Variants in EPAS1 observed in about 807,000 individuals in gnomAD.
EPAS1 encodes endothelial PAS domain protein 1, also known as endothelial PAS domain-containing protein 1.
In EPAS1, 23 loss-of-function variants were observed where a neutral mutation model predicts 87.9. The ratio of observed to expected loss-of-function variants is 0.26; its 90% CI spans 0.19 to 0.37. EPAS1 has a LOEUF of 0.37. Among genes scored for constraint, EPAS1 ranks in the 10% least tolerant of loss-of-function variants. The pLI, the probability that EPAS1 is intolerant of heterozygous loss-of-function variation, is 1.00. For synonymous variants in EPAS1, 508 were observed against 444.3 expected (o/e 1.14, Z -1.80); for missense variants, 1,138 against 1,120.7 (o/e 1.02, Z -0.22).
At chr2:46,340,999 C>A (rs1683900803) in intron 1 of EPAS1, among the ~76,000 whole-genome samples, 1 of 152,190 alleles carries the variant, frequency 6.6e-6, no homozygotes. Context: ...TGATTATAGG[C>A]ATGAGTCACT....
chr2:46,337,011 C>A (rs535118169), intron 1 of EPAS1, among the ~76,000 whole-genome samples: 1 of 152,192 alleles, frequency 6.6e-6, no homozygotes, highest in Non-Finnish European at 1.5e-5. Flanking sequence ...AGATGGAAAC[C>A]GTCTATTCTA....
At chr2:46,370,927 T>C (rs1024914658) in intron 7 of EPAS1, among the ~76,000 whole-genome samples, 7 of 152,274 alleles carry the variant, frequency 4.6e-5, no homozygotes, top group African/African-American at 1.7e-4. Flanking sequence ...ATTCCTGCCC[T>C]AAGTGACCTT....
chr2:46,376,603 C>T lies in EPAS1; in HGVS notation c.1099C>T (p.Leu367=). The T allele has an allele frequency of 6.2e-7, 1 of 1,614,194 alleles. No individual in the cohort carries two copies. Reference sequence around the variant, plus strand: ...GACTGAATCCCTGTTCAAGCCCCACCTGATGGCCATGAACAGCATCTTTGA... The same window carrying T: ...GACTGAATCCCTGTTCAAGCCCCACTTGATGGCCATGAACAGCATCTTTGA... ...DQTESLFKPH[L]MAMNSIFDSS... Residue 367 remains leucine (L), a synonymous_variant, in exon 9 of 16, where the codon CTG becomes TTG. Transcript: ENST00000263734.
intron 1 of EPAS1, among the ~76,000 whole-genome samples, chr2:46,299,268 C>T (rs181225777): frequency 1.3e-5 from 2 of 152,322 alleles, no homozygotes; most frequent in Admixed American, 6.5e-5. Context: ...TGTCCTGGCT[C>T]GGCGCCCGGG....
intron 1 of EPAS1, among the ~76,000 whole-genome samples, chr2:46,338,450 T>C (rs191943700): frequency 1.3e-5 from 2 of 152,158 alleles, no homozygotes; most frequent in African/African-American, 4.8e-5. Flanking sequence ...CAGAGAGCAA[T>C]GGAGAGCCAC....
intron 1 of EPAS1, among the ~76,000 whole-genome samples, chr2:46,324,359 G>A (rs988265965): frequency 1.6e-4 from 25 of 152,292 alleles, no homozygotes; most frequent in Admixed American, 1.0e-3. Context: ...GAGCCACTGC[G>A]CCCAGCCCTA....
chr2:46,338,415 G>T (rs966944693), intron 1 of EPAS1, among the ~76,000 whole-genome samples: 1 of 152,168 alleles, frequency 6.6e-6, no homozygotes, highest in Non-Finnish European at 1.5e-5. Context: ...GTCAGGGGTC[G>T]GGCAGTGGCA....
At chr2:46,353,051 G>C (rs1558598788) in intron 2 of EPAS1, among the ~76,000 whole-genome samples, 1 of 151,946 alleles carries the variant, frequency 6.6e-6, no homozygotes, top group Non-Finnish European at 1.5e-5. Flanking sequence ...TTTGAAGTCA[G>C]CGTTACCACT....
Position 46,380,077 on chromosome 2 carries a change from C to T in EPAS1, c.1555-150C>T, listed in dbSNP as rs1684852133. The T allele has an allele frequency of 2.4e-5, 31 of 1,294,600 alleles. No homozygotes were observed. Among genetic ancestry groups the T allele is most frequent in the Non-Finnish European group, 2.9e-5 (26 of 905,908 alleles). The allele number at this position is 1,294,600 out of a possible 1,614,324, so 80.2% of individuals were successfully genotyped here. Reference sequence around the variant, plus strand: ...ATGACACAGCCAAGTCTGAGGTTTTCCTGATAGGCCCTCGGGAGCCAGTGG... The same window carrying T: ...ATGACACAGCCAAGTCTGAGGTTTTTCTGATAGGCCCTCGGGAGCCAGTGG... On this transcript the variant is annotated intron_variant, in intron 11 of 15. Transcript: ENST00000263734. The surrounding 1 kb of genome is among the most constrained non-coding windows in gnomAD (Gnocchi z 4.4).
intron 6 of EPAS1, among the ~76,000 whole-genome samples, chr2:46,362,696 C>T (rs147775622): frequency 4.6e-5 from 7 of 152,300 alleles, no homozygotes; most frequent in Admixed American, 1.3e-4. Context: ...GATTCCAGAC[C>T]GGCCTGGTGT....
intron 1 of EPAS1, among the ~76,000 whole-genome samples, chr2:46,320,010 G>T (rs1225047850): frequency 1.3e-5 from 2 of 152,174 alleles, no homozygotes; most frequent in East Asian, 3.8e-4. Flanking sequence ...GCCTCATTTT[G>T]TTTATAGTTG....
At chr2:46,384,037 G>T (rs1202132601) in intron 15 of EPAS1, among the ~76,000 whole-genome samples, 1 of 152,216 alleles carries the variant, frequency 6.6e-6, no homozygotes, top group Admixed American at 6.5e-5. Flanking sequence ...TGCCTCCTCG[G>T]CAAGAGAATA....
Position 46,375,826 on chromosome 2 carries a change from C to T in EPAS1, c.1023C>T (p.Asn341=). The part of the protein sequence containing the change: ...NLQPQCIMCV[N]YVLSEIEKND... ...AGCCCCAGTGCATCATGTGTGTCAA[C>T]TACGTCCTGAGGTAAGCATGTGAGG... Residue 341 remains asparagine, a synonymous_variant, in exon 8 of 16, where the codon AAC becomes AAT. Transcript: ENST00000263734. The surrounding 1 kb of genome is among the most constrained non-coding windows in gnomAD (Gnocchi z 4.1). 1 of 1,614,220 alleles carries T rather than the reference C, an allele frequency of 6.2e-7. No individual in the cohort carries two copies. The highest frequency in any genetic ancestry group is 8.5e-7 in the Non-Finnish European group (1 of 1,180,036).
chr2:46,381,904 C>G (rs1684903126), intron 13 of EPAS1, 71 bp from the exon 14 acceptor site: 1 of 1,386,516 alleles, frequency 7.2e-7, no homozygotes, highest in African/African-American at 1.4e-5. Context: ...TCCAGGCCCA[C>G]CCAACCCACC....
chr2:46,378,898 C>T, intron 11 of EPAS1, 131 bp downstream of exon 11: 3 of 845,758 alleles, frequency 3.5e-6, no homozygotes, highest in Non-Finnish European at 5.9e-6. Flanking sequence ...AGGCCCAGGT[C>T]CCCTAAAGAG....
At chr2:46,376,499 A>G (rs1463907865) in intron 8 of EPAS1, 40 bp from the exon 9 acceptor site, 6 of 1,609,530 alleles carry the variant, frequency 3.7e-6, no homozygotes, top group African/African-American at 1.3e-5. Flanking sequence ...ATTTTTCTAG[A>G]AAATGTGGAA....
intron 11 of EPAS1, among the ~76,000 whole-genome samples, chr2:46,379,160 C>T (rs1684825493): frequency 6.6e-6 from 1 of 152,140 alleles, no homozygotes; most frequent in Non-Finnish European, 1.5e-5. Flanking sequence ...AAAAAATAAT[C>T]ATTTTTATAT....
Position 46,304,264 on chromosome 2 carries a change from A to G in EPAS1, c.26+6327A>G, listed in dbSNP as rs188324658. ...TTAATCCTGTGAGATAAGCCCTGTT[A>G]TTATCCCCACTTCATTGATGGGAAA... On this transcript the variant is annotated intron_variant, in intron 1 of 15. Transcript: ENST00000263734. Among the ~76,000 whole-genome samples, 61 of 152,248 alleles carry G rather than the reference A, an allele frequency of 4.0e-4. 1 individual carries two copies. The East Asian group carries it at 9.3e-3, about 23-fold the overall frequency.
Position 46,297,518 on chromosome 2 carries a change from C to G in EPAS1, c.-394C>G, listed in dbSNP as rs1010527556. ...GTGTCCTGAGACTGTATGGTCAGCT[C>G]AGCCCGGCCTCCGACTCCTTCCGAC... On this transcript the variant is annotated 5_prime_UTR_variant, in exon 1 of 16. It introduces an in-frame stop codon into an upstream open reading frame of the 5' UTR. Transcript: ENST00000263734. 3.3e-6 allele frequency: 1 copy of G among 307,328 alleles called. No homozygotes were observed. The highest frequency in any genetic ancestry group is 2.3e-5 in the African/African-American group (1 of 42,666). The allele number at this position is 307,328 out of a possible 1,614,324, so 19.0% of individuals were successfully genotyped here.
Sources: gnomAD v4.1 joint callset for allele counts (sites outside exome capture counted in the v4.1 genomes callset) on GRCh38, gnomAD v4.1.1 for gene constraint, Gnocchi (gnomAD v3.1) non-coding constraint, MANE v1.5 for transcripts, NCBI Gene and HGNC (gene_info 2026-07-23, HGNC 2026-07-21) for gene names.